MAGI2: variants seen among roughly 807,000 people sequenced by gnomAD.
The protein encoded by MAGI2 is membrane associated guanylate kinase, WW and PDZ domain containing 2.
In MAGI2, 35 loss-of-function variants were observed where a neutral mutation model predicts 133.3. The observed-to-expected ratio is 0.26, with a 90% confidence interval of 0.20 to 0.35. MAGI2 has a LOEUF of 0.35. Ranked by LOEUF, MAGI2 falls within the 10% of genes least tolerant of loss-of-function variation. MAGI2 has a pLI of 1.00. For synonymous variants in MAGI2, 729 were observed against 710.6 expected, an observed-to-expected ratio of 1.03 and a Z score of -0.41; for missense variants, 1,636 against 1,863.4, an observed-to-expected ratio of 0.88 and a Z score of 2.25.
chr7:78,309,931 T>C (rs1043146714), intron 9 of MAGI2, among the ~76,000 whole-genome samples: 1 of 152,128 alleles, frequency 6.6e-6, no homozygotes, highest in Non-Finnish European at 1.5e-5. Context: ...TAAAGCTTAA[T>C]GTAGAGAACA....
At chr7:78,671,147 G>A (rs1814335150) in intron 2 of MAGI2, among the ~76,000 whole-genome samples, 1 of 152,010 alleles carries the variant, frequency 6.6e-6, no homozygotes, top group South Asian at 2.1e-4. Flanking sequence ...TTTGCTTTCT[G>A]TTATTATTTC....
At chr7:78,438,016 A>C (rs1343212844) in intron 6 of MAGI2, among the ~76,000 whole-genome samples, 1 of 152,194 alleles carries the variant, frequency 6.6e-6, no homozygotes, top group African/African-American at 2.4e-5. Flanking sequence ...GTTTGTTATT[A>C]GTTGTTGTTT....
At chr7:78,061,100 A>G (rs1024857952) in intron 21 of MAGI2, among the ~76,000 whole-genome samples, 1 of 149,356 alleles carries the variant, frequency 6.7e-6, no homozygotes, top group African/African-American at 2.5e-5. Context: ...GAAGGCAGAG[A>G]TTCCCCTGAG....
intron 2 of MAGI2, among the ~76,000 whole-genome samples, chr7:78,675,226 C>A (rs1814877968): frequency 1.3e-5 from 2 of 148,706 alleles, no homozygotes; most frequent in African/African-American, 5.0e-5. Flanking sequence ...TTCATGCCTA[C>A]AAAATTGAGA....
At chr7:79,234,943 T>C (rs1227874828) in intron 1 of MAGI2, among the ~76,000 whole-genome samples, 3 of 152,012 alleles carry the variant, frequency 2.0e-5, no homozygotes, top group African/African-American at 4.8e-5. Context: ...TTTTGGTCTT[T>C]GATGATGGTG....
At chr7:78,273,582 T>C (rs1402723937) in intron 9 of MAGI2, among the ~76,000 whole-genome samples, 1 of 152,234 alleles carries the variant, frequency 6.6e-6, no homozygotes. Flanking sequence ...CAATCACACG[T>C]AGATTTGGTC....
At chr7:78,705,366 AG>A (rs1818536923) in intron 2 of MAGI2, among the ~76,000 whole-genome samples, 1 of 151,998 alleles carries the variant, frequency 6.6e-6, no homozygotes, top group African/African-American at 2.4e-5. Context: ...AATTTTCCTG[AG>A]GCTTCCCCAG....
At chr7:79,186,230 A>ATATATATATATATT (rs1827116030) in intron 1 of MAGI2, among the ~76,000 whole-genome samples, 2 of 67,944 alleles carry the variant, frequency 2.9e-5, no homozygotes. Context: ...ATATATATAT[A>ATATATATATATATT]TATATATATA....
chr7:78,966,099 T>C (rs529701869), intron 2 of MAGI2, among the ~76,000 whole-genome samples: 1 of 152,224 alleles, frequency 6.6e-6, no homozygotes, highest in South Asian at 2.1e-4. Context: ...TAGGTTAACC[T>C]GAATCTCTCT....
At chr7:78,677,746 T>A (rs1400034528) in intron 2 of MAGI2, among the ~76,000 whole-genome samples, 1 of 152,082 alleles carries the variant, frequency 6.6e-6, no homozygotes, top group African/African-American at 2.4e-5. Context: ...TTTCGTCCAA[T>A]CCTCTTAGTT....
At chr7:78,501,857 C>G in intron 4 of MAGI2, 70 bp from the exon 5 acceptor site, 4 of 1,133,756 alleles carry the variant, frequency 3.5e-6, no homozygotes, top group Middle Eastern at 5.7e-4. Flanking sequence ...ATGGAGAATG[C>G]TGTACCAGGG....
At chr7:78,848,500 T>C (rs764356247) in intron 2 of MAGI2, among the ~76,000 whole-genome samples, 3 of 152,046 alleles carry the variant, frequency 2.0e-5, no homozygotes, top group Admixed American at 6.6e-5. Flanking sequence ...AATTAGATCA[T>C]GTTGTTCTCT....
intron 21 of MAGI2, chr7:78,065,551 A>G: frequency 1.5e-6 from 1 of 671,160 alleles, no homozygotes; most frequent in South Asian, 1.6e-5. Flanking sequence ...GAGAAAGATA[A>G]TATTCATGCA....
In MAGI2 at chr7:79,077,589, A is replaced by T. The variant is rs868149671; in HGVS notation, c.302-70383T>A. ...GACTGCCTCTCAAAAAAAAAAAAAAAAAAAAATAAATAAATAAATAAATTC... is the reference window on the plus strand; with the variant it reads ...GACTGCCTCTCAAAAAAAAAAAAAATAAAAAATAAATAAATAAATAAATTC... On this transcript the variant is annotated intron_variant, in intron 1 of 21. Coordinates refer to ENST00000354212, the MANE Select transcript of MAGI2 (RefSeq NM_012301.4). Among the ~76,000 whole-genome samples the T allele has an allele frequency of 2.0e-3, 273 of 135,698 alleles. 25 individuals are homozygous for T. Among genetic ancestry groups the T allele is most frequent in the Non-Finnish European group, 2.2e-3 (139 of 63,528 alleles). 89.0% of individuals were successfully genotyped at this position (135,698 alleles called of 152,430 possible). A position where few individuals can be genotyped will look rare whatever the true frequency, so the allele number is the denominator to read the frequency against.
chr7:79,143,230 G>A (rs12539913), intron 1 of MAGI2, among the ~76,000 whole-genome samples: 5,571 of 152,140 alleles, frequency 0.037, 129 homozygotes, highest in Non-Finnish European at 0.058. Context: ...TTTTGACTTA[G>A]GCATAGAGTA....
intron 1 of MAGI2, among the ~76,000 whole-genome samples, chr7:79,310,162 C>CAAAAAAAAAAAAA (rs71518921): frequency 6.1e-5 from 1 of 16,302 alleles, no homozygotes; most frequent in Non-Finnish European, 1.2e-4. Flanking sequence ...GAGTCCATCT[C>CAAAAAAAAAAAAA]AAAAAAAAAA....
intron 2 of MAGI2, among the ~76,000 whole-genome samples, chr7:78,767,735 ATTGTT>A (rs1316396060): frequency 6.6e-6 from 1 of 152,218 alleles, no homozygotes; most frequent in African/African-American, 2.4e-5. Context: ...CTGAAACTTA[ATTGTT>A]TTATCAAGTT....
intron 1 of MAGI2, among the ~76,000 whole-genome samples, chr7:79,214,381 CTCTCTCTCTCTCTCTCTCTCTCTCTCTA>C (rs1337569018): frequency 1.0e-4 from 9 of 86,768 alleles, no homozygotes; most frequent in African/African-American, 4.3e-4. Flanking sequence ...CTCTCTCTCT[CTCTCTCTCTCTCTCTCTCTCTCTCTCTA>C]TATATATATA....
At chr7:78,022,133 A>C (rs1808458950) in intron 21 of MAGI2, among the ~76,000 whole-genome samples, 1 of 152,238 alleles carries the variant, frequency 6.6e-6, no homozygotes, top group Admixed American at 6.5e-5. Context: ...AAATATATCC[A>C]ATGAAAATGA....
Sources: allele counts gnomAD v4.1 joint callset (sites outside exome capture counted in the v4.1 genomes callset), GRCh38; gene constraint gnomAD v4.1.1; transcripts MANE v1.5; gene names NCBI Gene and HGNC (gene_info 2026-07-23, HGNC 2026-07-21).